Variants in GALNTL6 observed in about 807,000 individuals in gnomAD.
GALNTL6 encodes polypeptide N-acetylgalactosaminyltransferase like 6.
Under a neutral mutation model 73.7 loss-of-function variants are expected in GALNTL6, and 46 were observed. The observed-to-expected ratio is 0.62, with a 90% CI of 0.49 to 0.80. The LOEUF (loss-of-function observed/expected upper bound fraction) is 0.80. Among genes scored for constraint, GALNTL6 ranks in the 30% least tolerant of loss-of-function variants. The pLI, the probability that GALNTL6 is intolerant of heterozygous loss-of-function variation, is 0.00. For synonymous variants in GALNTL6, 259 were observed against 263.7 expected, an observed-to-expected ratio of 0.98 and a Z score of 0.17; for missense variants, 604 against 755.0, an observed-to-expected ratio of 0.80 and a Z score of 2.34.
Position 171,814,891 on chromosome 4 carries a change from T to C in GALNTL6, c.138+173T>C, listed in dbSNP as rs374366280. The C allele has an allele frequency of 2.6e-5, 16 of 621,684 alleles. 1 individual carries two copies. The Admixed American group carries it at 4.1e-4, about 16-fold the overall frequency. 38.5% of individuals were successfully genotyped at this position (621,684 alleles called of 1,614,324 possible). On this transcript the variant is annotated intron_variant, in intron 2 of 12. Transcript: ENST00000506823. Reference sequence around the variant, plus strand: ...GTTTAAGCAAGTAGATGTTTTAAGATTGCAGCCAGTAACATCGTGACATGT... The same window carrying C: ...GTTTAAGCAAGTAGATGTTTTAAGACTGCAGCCAGTAACATCGTGACATGT...
intron 3 of GALNTL6, among the ~76,000 whole-genome samples, chr4:172,283,750 ATATTGAATGTAAATAATTTGGATT>A (rs1739149266): frequency 6.6e-6 from 1 of 152,164 alleles, no homozygotes; most frequent in Non-Finnish European, 1.5e-5. Flanking sequence ...TTCAGGCAAA[ATATTGAATGTAAATAATTTGGATT>A]ACAACTTCCA....
At chr4:172,278,029 G>T (rs2111072616) in intron 3 of GALNTL6, among the ~76,000 whole-genome samples, 1 of 152,148 alleles carries the variant, frequency 6.6e-6, no homozygotes, top group East Asian at 1.9e-4. Flanking sequence ...TACTGCTGCT[G>T]CAATTTCTCT....
intron 5 of GALNTL6, among the ~76,000 whole-genome samples, chr4:172,776,072 A>G (rs1207971602): frequency 1.3e-5 from 2 of 152,224 alleles, no homozygotes; most frequent in Non-Finnish European, 1.5e-5. Flanking sequence ...GACTCTAATC[A>G]TAGGATCCAG....
chr4:172,675,884 G>A (rs147364016), intron 5 of GALNTL6, among the ~76,000 whole-genome samples: 15 of 152,110 alleles, frequency 9.9e-5, no homozygotes, highest in African/African-American at 3.4e-4. Flanking sequence ...CTGAATCCTT[G>A]AGGCATGTAC....
intron 2 of GALNTL6, among the ~76,000 whole-genome samples, chr4:172,013,012 T>C (rs1741069586): frequency 6.6e-6 from 1 of 152,034 alleles, no homozygotes; most frequent in African/African-American, 2.4e-5. Flanking sequence ...TTATTATAGC[T>C]TTGCATATGG....
chr4:172,608,739 A>C (rs1351872827), intron 5 of GALNTL6, among the ~76,000 whole-genome samples: 3 of 152,084 alleles, frequency 2.0e-5, no homozygotes, highest in African/African-American at 7.2e-5. Context: ...CCTTGAGGCC[A>C]TTTTAATAAT....
At chr4:172,250,791 A>G (rs1737836454) in intron 3 of GALNTL6, among the ~76,000 whole-genome samples, 1 of 152,172 alleles carries the variant, frequency 6.6e-6, no homozygotes, top group Non-Finnish European at 1.5e-5. Flanking sequence ...TGATACAGCC[A>G]TGGTTAAAAA....
At chr4:172,474,103 G>C (rs1274202882) in intron 5 of GALNTL6, among the ~76,000 whole-genome samples, 1 of 152,062 alleles carries the variant, frequency 6.6e-6, no homozygotes, top group Admixed American at 6.6e-5. Context: ...TTCCTTGGAT[G>C]AGTCCTTCAT....
chr4:172,400,013 T>G (rs1016829709), intron 5 of GALNTL6, among the ~76,000 whole-genome samples: 2 of 152,150 alleles, frequency 1.3e-5, no homozygotes, highest in Admixed American at 1.3e-4. Context: ...TTTAGCCATT[T>G]ATTTTTCCTC....
intron 5 of GALNTL6, among the ~76,000 whole-genome samples, chr4:172,440,415 T>C (rs1731787687): frequency 6.6e-6 from 1 of 152,084 alleles, no homozygotes; most frequent in Admixed American, 6.6e-5. Context: ...TCCAGCTATA[T>C]GACATAATGG....
chr4:172,079,064 A>G (rs1480833055), intron 2 of GALNTL6, among the ~76,000 whole-genome samples: 1 of 152,114 alleles, frequency 6.6e-6, no homozygotes, highest in South Asian at 2.1e-4. Context: ...TACATACTCA[A>G]ATATGTATCT....
intron 2 of GALNTL6, among the ~76,000 whole-genome samples, chr4:171,845,910 A>C (rs1258006513): frequency 6.6e-6 from 1 of 152,176 alleles, no homozygotes; most frequent in African/African-American, 2.4e-5. Flanking sequence ...CATACTCATC[A>C]TCACAGCTAC....
intron 7 of GALNTL6, among the ~76,000 whole-genome samples, chr4:172,845,206 G>A (rs1238520481): frequency 8.4e-6 from 1 of 119,594 alleles, no homozygotes; most frequent in Non-Finnish European, 1.7e-5. Flanking sequence ...GGCAGAGCGA[G>A]TCTCTGTCTC....
intron 7 of GALNTL6, among the ~76,000 whole-genome samples, chr4:172,825,082 CT>C (rs1352865303): frequency 2.0e-3 from 35 of 17,762 alleles, no homozygotes; most frequent in Admixed American, 8.0e-4. Flanking sequence ...GTTATCTTTT[CT>C]TTCTTTCTTT....
At position 171,881,139 on chromosome 4, in the gene GALNTL6, C is replaced by G. The variant is rs1305796228; in HGVS notation, c.138+66421C>G. 2.6e-5 allele frequency among the ~76,000 whole-genome samples: 4 copies of G among 152,222 alleles called. No individual in the cohort carries two copies. The East Asian group carries it at 5.8e-4, about 22-fold the overall frequency. ...GCCCCTAGCCTTGCAAGCCAAAGAG[C>G]CTGTAGAGATTTCTGCGGAATAAAC... On this transcript the variant is annotated intron_variant, in intron 2 of 12. Transcript: ENST00000506823.
intron 2 of GALNTL6, among the ~76,000 whole-genome samples, chr4:171,870,937 T>C (rs1367438457): frequency 6.6e-6 from 1 of 152,186 alleles, no homozygotes; most frequent in Non-Finnish European, 1.5e-5. Flanking sequence ...ATTTCTGTTG[T>C]TTAAGCCTCT....
intron 2 of GALNTL6, among the ~76,000 whole-genome samples, chr4:172,195,469 C>T (rs1053960899): frequency 1.3e-5 from 2 of 152,144 alleles, no homozygotes; most frequent in African/African-American, 4.8e-5. Flanking sequence ...CACCCAAAAA[C>T]AGCAGAATAT....
At chr4:172,054,644 T>G (rs1160605687) in intron 2 of GALNTL6, among the ~76,000 whole-genome samples, 4 of 152,152 alleles carry the variant, frequency 2.6e-5, no homozygotes, top group Non-Finnish European at 5.9e-5. Flanking sequence ...TCAAACCACT[T>G]CTCAAAATCT....
At chr4:172,372,356 A>G (rs1036833190) in intron 5 of GALNTL6, among the ~76,000 whole-genome samples, 2 of 152,202 alleles carry the variant, frequency 1.3e-5, no homozygotes, top group African/African-American at 2.4e-5. Context: ...AGCACCTGGT[A>G]TCTAAGTAGG....
Sources: gnomAD v4.1 joint callset for allele counts (sites outside exome capture counted in the v4.1 genomes callset) on GRCh38, gnomAD v4.1.1 for gene constraint, MANE v1.5 for transcripts, NCBI Gene and HGNC (gene_info 2026-07-23, HGNC 2026-07-21) for gene names.